Variants in TIPARP observed in about 807,000 individuals in gnomAD.
TIPARP encodes TCDD inducible poly(ADP-ribose) polymerase, also known as protein mono-ADP-ribosyltransferase TIPARP.
In TIPARP, 12 loss-of-function variants were observed where a neutral mutation model predicts 56.5. That is an observed-to-expected ratio of 0.21 (90% confidence interval 0.14 to 0.34). The LOEUF is 0.34. TIPARP is among the 10% of genes least tolerant of loss of function. The probability of loss-of-function intolerance (pLI) is 1.00; values close to 1 mark genes in which losing one functional copy is unlikely to be tolerated. For missense variants in TIPARP, 604 were observed against 781.6 expected (o/e 0.77, Z 2.71); for synonymous variants, 296 against 265.7 (o/e 1.11, Z -1.11).
chr3:156,678,168 T>C lies in TIPARP; in HGVS notation c.471T>C (p.Ala157=), dbSNP rs1159243430. 6.2e-7 allele frequency: 1 copy of C among 1,614,106 alleles called. No individual in the cohort carries two copies. Among genetic ancestry groups the C allele is most frequent in the East Asian group, 2.2e-5 (1 of 44,886 alleles). The change falls in exon 2 of 6, where the codon GCT becomes GCC. Residue 157 remains alanine, a synonymous_variant. Coordinates refer to ENST00000295924, the MANE Select transcript of TIPARP (RefSeq NM_015508.5). ...GGACGGTGGCAGATTCCACACCAGC[T>C]CACTTCCAGACTGATCTTTTGCACC... ...LSGTVADSTP[A]HFQTDLLHPV...
At chr3:156,678,684 A>AGTAGGGTGG in intron 2 of TIPARP, 70 bp downstream of exon 2, 1 of 1,408,616 alleles carries the variant, frequency 7.1e-7, no homozygotes, top group East Asian at 2.3e-5. Context: ...CTAAAAGCTT[A>AGTAGGGTGG]GTAGGGTGGT....
intron 2 of TIPARP, among the ~76,000 whole-genome samples, chr3:156,682,848 T>C (rs1722340140): frequency 6.6e-6 from 1 of 152,220 alleles, no homozygotes; most frequent in Non-Finnish European, 1.5e-5. Context: ...AAGCAAGAAC[T>C]GTGTTTGAAG....
rs1387504652 is a variant in TIPARP at position 156,694,184 on chromosome 3, C to G, written c.1082C>G (p.Pro361Arg). 4 of 1,589,692 alleles carry G rather than the reference C, an allele frequency of 2.5e-6. No individual in the cohort carries two copies. The South Asian group carries it at 3.5e-5, about 14-fold the overall frequency. The part of the protein sequence containing the change: ...CRDHFGWREY[P>R]ESVIRLIEEA... ...GACCACTTTGGATGGAGAGAGTATC[C>G]CGAGGTATTTACAGATTCTTTGTTG... is the stretch of plus-strand genomic sequence containing the variant. The change falls in exon 3 of 6, where the codon CCC becomes CGC. Residue 361 changes from proline (P) to arginine (R), a missense_variant. Physicochemically the swap from Pro to Arg is moderately radical, Grantham distance 103. Coordinates refer to ENST00000295924, the MANE Select transcript of TIPARP (RefSeq NM_015508.5).
chr3:156,678,686 T>C (rs183408093), intron 2 of TIPARP, 72 bp downstream of exon 2: 431 of 1,393,390 alleles, frequency 3.1e-4, no homozygotes, highest in Middle Eastern at 1.9e-3. Context: ...AAAAGCTTAG[T>C]AGGGTGGTTT....
chr3:156,678,147 G>A lies in TIPARP; in HGVS notation c.450G>A (p.Thr150=). The change falls in exon 2 of 6, where the codon ACG becomes ACA. Residue 150 remains threonine (T), a synonymous_variant. Coordinates refer to ENST00000295924, the MANE Select transcript of TIPARP (RefSeq NM_015508.5). ...TTCCATCAGAAACCCTCAGTGGGACGGTGGCAGATTCCACACCAGCTCACT... is the reference window on the plus strand; with the variant it reads ...TTCCATCAGAAACCCTCAGTGGGACAGTGGCAGATTCCACACCAGCTCACT... ...HSFPSETLSG[T]VADSTPAHFQ... is the part of the protein sequence containing the mutation. 1.9e-6 allele frequency: 3 copies of A among 1,614,026 alleles called. No individual in the cohort carries two copies. Among genetic ancestry groups the A allele is most frequent in the South Asian group, 1.1e-5 (1 of 91,078 alleles).
rs113126570 is a variant in TIPARP at position 156,684,582 on chromosome 3, C to T, written c.917+5968C>T. Among the ~76,000 whole-genome samples, 478 of 152,188 alleles carry T rather than the reference C, an allele frequency of 3.1e-3. 9 individuals carry two copies. Among genetic ancestry groups the T allele is most frequent in the African/African-American group, 0.011 (455 of 41,532 alleles). On this transcript the variant is annotated intron_variant, in intron 2 of 5. Transcript: ENST00000295924. ...CTGAGTAGCTGAGATTACAGGCATGCGCCACCATGCCCAGCTAATTTTGTA... is the reference window on the plus strand; with the variant it reads ...CTGAGTAGCTGAGATTACAGGCATGTGCCACCATGCCCAGCTAATTTTGTA...
intron 2 of TIPARP, among the ~76,000 whole-genome samples, chr3:156,690,628 A>G (rs1722548820): frequency 6.6e-6 from 1 of 152,318 alleles, no homozygotes; most frequent in African/African-American, 2.4e-5. Context: ...TTCCCTTAAT[A>G]GCAAAAATCA....
chr3:156,702,210 T>C (rs1434349498), intron 4 of TIPARP, among the ~76,000 whole-genome samples: 1 of 152,140 alleles, frequency 6.6e-6, no homozygotes, highest in Non-Finnish European at 1.5e-5. Flanking sequence ...GAAAAGAGTA[T>C]GAAATTAGAA....
chr3:156,675,620 C>T (rs897984501), intron 1 of TIPARP: 1 of 152,234 alleles, frequency 6.6e-6, no homozygotes, highest in Non-Finnish European at 1.5e-5. Context: ...CGGCCCGGGA[C>T]CAGGAGCTGA....
chr3:156,690,712 G>A (rs1046376587), intron 2 of TIPARP, among the ~76,000 whole-genome samples: 3 of 152,098 alleles, frequency 2.0e-5, no homozygotes, highest in African/African-American at 7.2e-5. Context: ...AATACTGATG[G>A]ATTTAGCCAT....
chr3:156,700,325 T>A (rs1722817998), intron 4 of TIPARP, among the ~76,000 whole-genome samples: 1 of 152,020 alleles, frequency 6.6e-6, no homozygotes, highest in Admixed American at 6.6e-5. Flanking sequence ...ACTATGTTGC[T>A]GGGGCTGGTC....
intron 2 of TIPARP, among the ~76,000 whole-genome samples, chr3:156,686,720 A>G (rs1296165479): frequency 3.9e-5 from 6 of 152,226 alleles, no homozygotes; most frequent in African/African-American, 1.4e-4. Context: ...AAATTAAGCT[A>G]ATAGTTTATA....
intron 3 of TIPARP, 23 bp from the exon 4 acceptor site, chr3:156,695,842 T>TTTGTTTTTTTTTC: frequency 7.2e-7 from 1 of 1,396,938 alleles, no homozygotes; most frequent in Non-Finnish European, 9.3e-7. Context: ...TTTTTTTTTT[T>TTTGTTTTTTTTTC]TGTTCTGTTT....
At position 156,705,198 on chromosome 3, in the gene TIPARP, G is replaced by C; in HGVS notation, c.*67G>C. 4.8e-6 allele frequency: 5 copies of C among 1,042,176 alleles called. 1 individual carries two copies. Among genetic ancestry groups the C allele is most frequent in the Non-Finnish European group, 6.9e-6 (5 of 722,404 alleles). 64.6% of individuals were successfully genotyped at this position (1,042,176 alleles called of 1,614,324 possible). ...CAGCATTTGTAGCAGGTTTTGAATG[G>C]GTGGGACTGGGTGGGGAACAGCATT... On this transcript the variant is annotated 3_prime_UTR_variant, in exon 6 of 6. Coordinates refer to ENST00000295924, the MANE Select transcript of TIPARP (RefSeq NM_015508.5).
intron 3 of TIPARP, 106 bp downstream of exon 3, chr3:156,694,294 A>G (rs1246749975): frequency 3.2e-6 from 3 of 952,070 alleles, no homozygotes; most frequent in East Asian, 2.8e-5. Context: ...AACTATGCAT[A>G]TAATCAAACA....
intron 4 of TIPARP, among the ~76,000 whole-genome samples, chr3:156,696,250 G>A (rs1038631788): frequency 1.3e-5 from 2 of 152,118 alleles, no homozygotes; most frequent in East Asian, 3.8e-4. Context: ...ATTTTTTAGA[G>A]TTAACATTTT....
In TIPARP at chr3:156,677,921, C is replaced by A. The variant is rs1367037499; in HGVS notation, c.224C>A (p.Ser75Tyr). 1 of 1,613,990 alleles carries A rather than the reference C, an allele frequency of 6.2e-7. No individual in the cohort carries two copies. The highest frequency in any genetic ancestry group is 8.5e-7 in the Non-Finnish European group (1 of 1,180,042). Residue 75 changes from serine (S) to tyrosine (Y), a missense_variant, in exon 2 of 6, where the codon TCT becomes TAT. Ser to Tyr is a moderately radical substitution (Grantham distance 144). Transcript: ENST00000295924. Reference protein sequence around the residue: ...ESGSLDGVFRSRNQSTDENSL... With the variant: ...ESGSLDGVFRYRNQSTDENSL... ...GGCTCACTTGATGGGGTTTTTAGAT[C>A]TAGGAACCAGAGTACAGATGAGAAC...
At chr3:156,685,365 A>G (rs1722405700) in intron 2 of TIPARP, among the ~76,000 whole-genome samples, 1 of 152,236 alleles carries the variant, frequency 6.6e-6, no homozygotes, top group Non-Finnish European at 1.5e-5. Flanking sequence ...CAATGAAAGG[A>G]TAAGTTCTTA....
chr3:156,689,448 T>C (rs1361027734), intron 2 of TIPARP, among the ~76,000 whole-genome samples: 3 of 152,214 alleles, frequency 2.0e-5, no homozygotes, highest in East Asian at 3.8e-4. Context: ...TTGATAAATA[T>C]CCTAATATTT....
Sources: gnomAD v4.1 joint callset for allele counts (sites outside exome capture counted in the v4.1 genomes callset) on GRCh38, gnomAD v4.1.1 for gene constraint, MANE v1.5 for transcripts, NCBI Gene and HGNC (gene_info 2026-07-23, HGNC 2026-07-21) for gene names.